FAM135B: variants seen among roughly 807,000 people sequenced by gnomAD.
The protein encoded by FAM135B is family with sequence similarity 135 member B.
In FAM135B, 43 loss-of-function variants were observed where a neutral mutation model predicts 127.7. The ratio of observed to expected loss-of-function variants is 0.34; its 90% CI spans 0.26 to 0.43. The LOEUF (loss-of-function observed/expected upper bound fraction) is 0.43, where lower values mean the gene tolerates loss of function less well. Among genes scored for constraint, FAM135B ranks in the 20% least tolerant of loss-of-function variants. The probability of loss-of-function intolerance (pLI) is 1.00; values close to 1 mark genes in which losing one functional copy is unlikely to be tolerated. For synonymous variants in FAM135B, 670 were observed against 665.1 expected (o/e 1.01, Z -0.11); for missense variants, 1,558 against 1,725.6 (o/e 0.90, Z 1.72).
At chr8:138,367,825 C>T (rs1830847410) in intron 2 of FAM135B, 82 bp downstream of exon 2, 2 of 1,065,764 alleles carry the variant, frequency 1.9e-6, no homozygotes, top group Non-Finnish European at 2.8e-6. Context: ...ATCTGACTTC[C>T]CCACCTCCAC....
intron 3 of FAM135B, chr8:138,309,015 T>C (rs1826467920): frequency 2.2e-6 from 1 of 455,196 alleles, no homozygotes; most frequent in South Asian, 1.6e-5. Flanking sequence ...TGTTCTGACA[T>C]ATGTATATTT....
In FAM135B at chr8:138,220,137, A is replaced by G. The variant is rs142063409; in HGVS notation, c.670-22468T>C. Reference sequence around the variant, plus strand: ...CAAAGCAGAGAGCAGAGCATAAGCAATCTGGGTCCAGTGCCCCATGGTGAG... The same window carrying G: ...CAAAGCAGAGAGCAGAGCATAAGCAGTCTGGGTCCAGTGCCCCATGGTGAG... On this transcript the variant is annotated intron_variant, in intron 7 of 19. Coordinates refer to ENST00000395297, the MANE Select transcript of FAM135B (RefSeq NM_015912.4). Among the ~76,000 whole-genome samples the G allele has an allele frequency of 6.5e-3, 985 of 151,866 alleles. 6 individuals carry two copies. Among genetic ancestry groups the G allele is most frequent in the Non-Finnish European group, 0.01 (709 of 67,960 alleles).
chr8:138,310,968 G>A (rs762884740), intron 2 of FAM135B, 48 bp from the exon 3 acceptor site: 22 of 1,472,940 alleles, frequency 1.5e-5, no homozygotes, highest in East Asian at 4.6e-5. Context: ...CCTTCTTAAC[G>A]TTGACTTCTA....
chr8:138,376,390 C>T (rs1301668035), intron 1 of FAM135B, among the ~76,000 whole-genome samples: 1 of 152,178 alleles, frequency 6.6e-6, no homozygotes, highest in African/African-American at 2.4e-5. Context: ...CCTGAATATT[C>T]CCACCTCTTC....
At chr8:138,272,759 G>A (rs58337770) in intron 3 of FAM135B, among the ~76,000 whole-genome samples, 3,561 of 152,254 alleles carry the variant, frequency 0.023, 93 homozygotes, top group East Asian at 0.08. Context: ...GATTTCCTTC[G>A]ATTGGTCATA....
In FAM135B at chr8:138,141,373, C is replaced by G. The variant is rs1817130588; in HGVS notation, c.3639-24G>C. The G allele has an allele frequency of 6.2e-7, 1 of 1,613,430 alleles. No individual in the cohort carries two copies. On this transcript the variant is annotated intron_variant, in intron 16 of 19. Transcript: ENST00000395297. The surrounding 1 kb of genome is among the most constrained non-coding windows in gnomAD (Gnocchi z 4.7). ...AGCTGTGGAGAAACAGAAGGGGTAC[C>G]CATGAGTGTGACGGTGAATGCTGCT...
chr8:138,150,332 G>C (rs1411232728), intron 13 of FAM135B, among the ~76,000 whole-genome samples: 4 of 152,190 alleles, frequency 2.6e-5, no homozygotes, highest in Non-Finnish European at 4.4e-5. Flanking sequence ...AAAGGTAGAG[G>C]TACAATGATA....
chr8:138,360,710 A>AT (rs926792402), intron 2 of FAM135B, among the ~76,000 whole-genome samples: 1 of 151,992 alleles, frequency 6.6e-6, no homozygotes, highest in African/African-American at 2.4e-5. Context: ...CACTGTGAAG[A>AT]TTTTTTTTAC....
At chr8:138,405,044 C>T (rs966237095) in intron 1 of FAM135B, among the ~76,000 whole-genome samples, 14 of 152,156 alleles carry the variant, frequency 9.2e-5, no homozygotes, top group African/African-American at 3.1e-4. Flanking sequence ...CAGCTATAGC[C>T]TCACTAAATG....
chr8:138,395,716 G>C (rs1359672018), intron 1 of FAM135B, among the ~76,000 whole-genome samples: 2 of 152,116 alleles, frequency 1.3e-5, no homozygotes, highest in African/African-American at 4.8e-5. Context: ...TGTACTTTGG[G>C]GGCAGAAAGC....
At chr8:138,384,345 CATTTATTTATTTATTT>C (rs10608773) in intron 1 of FAM135B, among the ~76,000 whole-genome samples, 3 of 150,810 alleles carry the variant, frequency 2.0e-5, no homozygotes, top group South Asian at 2.1e-4. Context: ...CCATAGGCTC[CATTTATTTATTTATTT>C]ATTTATTTAT....
rs1820931571 is a variant in FAM135B, at chr8:138,242,810, T to C, written c.669+132A>G. On this transcript the variant is annotated intron_variant, in intron 7 of 19. Coordinates refer to ENST00000395297, the MANE Select transcript of FAM135B (RefSeq NM_015912.4). The surrounding 1 kb of genome is among the most constrained non-coding windows in gnomAD (Gnocchi z 9.6). ...GTGATAAAAACAAGGGGTGGGAAGA[T>C]GGTGAAAGGAAGGGTCAAATTAGCA... The C allele has an allele frequency of 4.3e-6, 5 of 1,173,940 alleles. No individual in the cohort carries two copies. The highest frequency in any genetic ancestry group is 5.8e-6 in the Non-Finnish European group (5 of 856,520). The allele number at this position is 1,173,940 out of a possible 1,614,324, so 72.7% of individuals were successfully genotyped here. A position where few individuals can be genotyped will look rare whatever the true frequency, so the allele number is the denominator to read the frequency against.
At chr8:138,480,359 G>C (rs1814724469) in intron 1 of FAM135B, among the ~76,000 whole-genome samples, 2 of 152,114 alleles carry the variant, frequency 1.3e-5, no homozygotes, top group Non-Finnish European at 2.9e-5. Flanking sequence ...TCATTACCTT[G>C]ACATGATGGG....
chr8:138,327,394 A>G (rs1047610649), intron 2 of FAM135B, among the ~76,000 whole-genome samples: 1 of 152,210 alleles, frequency 6.6e-6, no homozygotes, highest in African/African-American at 2.4e-5. Context: ...GCTTACAAGA[A>G]AAACTGGGAT....
At chr8:138,324,804 A>G (rs1413061730) in intron 2 of FAM135B, among the ~76,000 whole-genome samples, 1 of 152,224 alleles carries the variant, frequency 6.6e-6, no homozygotes, top group African/African-American at 2.4e-5. Flanking sequence ...GTGTGCTCGT[A>G]ACGACTATAC....
chr8:138,183,499 G>A (rs535266019), intron 9 of FAM135B, among the ~76,000 whole-genome samples: 3 of 152,132 alleles, frequency 2.0e-5, no homozygotes, highest in Non-Finnish European at 4.4e-5. Flanking sequence ...TGCTCAACTC[G>A]CTTCAATATA....
intron 3 of FAM135B, among the ~76,000 whole-genome samples, chr8:138,306,445 GA>G (rs1270039437): frequency 7.0e-4 from 89 of 126,820 alleles, no homozygotes; most frequent in Middle Eastern, 3.8e-3. Context: ...GAAAAAAAAA[GA>G]AAAAAAAAAA....
chr8:138,150,496 C>T (rs7357546), intron 13 of FAM135B, among the ~76,000 whole-genome samples: 17,673 of 151,986 alleles, frequency 0.12, 1,185 homozygotes, highest in East Asian at 0.23. Flanking sequence ...GGTGAAACCC[C>T]GTCTCTACTA....
chr8:138,311,898 A>G lies in FAM135B; in HGVS notation c.78-978T>C, dbSNP rs941127733. On this transcript the variant is annotated intron_variant, in intron 2 of 19. Transcript: ENST00000395297. ...TGAGTGACACATTTCCAGCTGTGTGACTTTAAGTACATCACATAACTTCTC... is the reference window on the plus strand; with the variant it reads ...TGAGTGACACATTTCCAGCTGTGTGGCTTTAAGTACATCACATAACTTCTC... Among the ~76,000 whole-genome samples the G allele has an allele frequency of 2.6e-5, 4 of 152,298 alleles. No individual in the cohort carries two copies. In the South Asian group the frequency reaches 8.3e-4, roughly 32 times the overall value.
Sources: allele counts gnomAD v4.1 joint callset (sites outside exome capture counted in the v4.1 genomes callset), GRCh38; gene constraint gnomAD v4.1.1; non-coding constraint Gnocchi (gnomAD v3.1); transcripts MANE v1.5; gene names NCBI Gene and HGNC (gene_info 2026-07-23, HGNC 2026-07-21).